PCDH11X: variants seen among roughly 807,000 people sequenced by gnomAD.
PCDH11X encodes protocadherin-11 X-linked.
PCDH11X carries 18 observed loss-of-function variants against 53.3 expected under a neutral mutation model. The observed-to-expected ratio is 0.34, with a 90% CI of 0.23 to 0.50. The LOEUF is 0.50. PCDH11X is among the 20% of genes least tolerant of loss of function. PCDH11X has a pLI of 0.98. For synonymous variants in PCDH11X, 279 were observed against 393.3 expected (o/e 0.71, Z 3.44); for missense variants, 570 against 1,032.4 (o/e 0.55, Z 6.14).
chrX:92,570,115 G>A (rs1602354440), intron 10 of PCDH11X, among the ~76,000 whole-genome samples: 1 of 108,004 alleles, frequency 9.3e-6, no homozygotes, highest in African/African-American at 3.4e-5. Flanking sequence ...CAGTTTAACT[G>A]TGGTGGTAAT....
rs754416138 is a variant in PCDH11X, at chrX:92,343,619, A to G, written c.3145-44116A>G. ...GAAAAAGAGAATCATATTAAATACAATTTTTAATTTTACCAAACTAGTTTT... is the reference window on the plus strand; with the variant it reads ...GAAAAAGAGAATCATATTAAATACAGTTTTTAATTTTACCAAACTAGTTTT... On this transcript the variant is annotated intron_variant, in intron 8 of 10. Transcript: ENST00000682573. 1.6e-4 allele frequency among the ~76,000 whole-genome samples: 18 copies of G among 111,775 alleles called. 1 individual carries two copies. In the East Asian group the frequency reaches 4.2e-3, roughly 26 times the overall value.
At chrX:92,300,574 T>C (rs1310113039) in intron 8 of PCDH11X, among the ~76,000 whole-genome samples, 1 of 111,086 alleles carries the variant, frequency 9.0e-6, no homozygotes, top group Non-Finnish European at 1.9e-5. Flanking sequence ...GCCTCCTGGA[T>C]TCAAGTGATT....
At chrX:92,191,629 G>A (rs2066195032) in intron 6 of PCDH11X, among the ~76,000 whole-genome samples, 4 of 112,168 alleles carry the variant, frequency 3.6e-5, no homozygotes, top group Admixed American at 2.8e-4. Flanking sequence ...ATCAACCTAG[G>A]AATTGCAGTT....
At chrX:92,247,443 T>G (rs1283261814) in intron 7 of PCDH11X, among the ~76,000 whole-genome samples, 1 of 112,124 alleles carries the variant, frequency 8.9e-6, no homozygotes, top group Non-Finnish European at 1.9e-5. Context: ...TTTGGTTACT[T>G]GTATTGTTTT....
In PCDH11X at chrX:92,506,181, C is replaced by T. The variant is rs376660768; in HGVS notation, c.3367+37859C>T. Among the ~76,000 whole-genome samples, 27 of 96,400 alleles carry T rather than the reference C, an allele frequency of 2.8e-4. No individual in the cohort carries two copies. In the South Asian group the frequency reaches 0.012, roughly 44 times the overall value. 83.7% of individuals were successfully genotyped at this position (96,400 alleles called of 115,157 possible). On this transcript the variant is annotated intron_variant, in intron 10 of 10. Transcript: ENST00000682573. ...AACATTATCTTTTAAAAACATTATC[C>T]TCTTTTTTTATTTGGATACATTTTC... is the stretch of plus-strand genomic sequence containing the variant.
intron 10 of PCDH11X, among the ~76,000 whole-genome samples, chrX:92,594,403 G>A (rs2148800388): frequency 9.0e-6 from 1 of 111,033 alleles, no homozygotes; most frequent in Non-Finnish European, 1.9e-5. Context: ...GTAGAAAATT[G>A]TGTTTGGCTT....
At chrX:92,166,935 A>T (rs1449382475) in intron 6 of PCDH11X, among the ~76,000 whole-genome samples, 1 of 110,869 alleles carries the variant, frequency 9.0e-6, no homozygotes, top group African/African-American at 3.3e-5. Flanking sequence ...AAAGGCAATT[A>T]GTTGGCTGAA....
At chrX:92,300,314 C>G (rs1005420104) in intron 8 of PCDH11X, among the ~76,000 whole-genome samples, 19 of 111,111 alleles carry the variant, frequency 1.7e-4, no homozygotes, top group African/African-American at 5.9e-4. Flanking sequence ...AGATTCATCG[C>G]TGGGATACTA....
chrX:91,934,824 A>G (rs961352975), intron 6 of PCDH11X, among the ~76,000 whole-genome samples: 2 of 108,016 alleles, frequency 1.9e-5, no homozygotes, highest in African/African-American at 3.4e-5. Context: ...ACCTTTTGTT[A>G]TTCTTCATTG....
At chrX:92,189,520 A>G (rs1248481531) in intron 6 of PCDH11X, among the ~76,000 whole-genome samples, 1 of 111,796 alleles carries the variant, frequency 8.9e-6, no homozygotes, top group Non-Finnish European at 1.9e-5. Context: ...TGCTGCAATG[A>G]ACATACATGT....
At chrX:92,520,737 T>C (rs72608323) in intron 10 of PCDH11X, among the ~76,000 whole-genome samples, 12,921 of 110,610 alleles carry the variant, frequency 0.12, 617 homozygotes, top group Admixed American at 0.23. Flanking sequence ...TAGAACTTCA[T>C]TAAAAAATTG....
chrX:92,291,903 A>G (rs1194497168), intron 8 of PCDH11X, among the ~76,000 whole-genome samples: 1 of 111,029 alleles, frequency 9.0e-6, no homozygotes, highest in African/African-American at 3.3e-5. Flanking sequence ...AAAGAAAAAA[A>G]AGCATGAACA....
Position 91,818,107 on chromosome X carries a change from A to G in PCDH11X, c.-45+6812A>G, listed in dbSNP as rs147538890. Among the ~76,000 whole-genome samples, 479 of 111,777 alleles carry G rather than the reference A, an allele frequency of 4.3e-3. 4 individuals carry two copies. The highest frequency in any genetic ancestry group is 0.015 in the African/African-American group (454 of 30,695). ...TTTTACATTTATCAGCTATAAAGAAATCATAATTTAAAATGAAATACTGGC... is the reference window on the plus strand; with the variant it reads ...TTTTACATTTATCAGCTATAAAGAAGTCATAATTTAAAATGAAATACTGGC... On this transcript the variant is annotated intron_variant, in intron 4 of 10. Transcript: ENST00000682573.
At chrX:92,377,307 A>G (rs2070773960) in intron 8 of PCDH11X, among the ~76,000 whole-genome samples, 1 of 111,038 alleles carries the variant, frequency 9.0e-6, no homozygotes, top group Non-Finnish European at 1.9e-5. Flanking sequence ...ATATTTTATT[A>G]TGAATGAAGG....
chrX:92,219,836 G>T, intron 7 of PCDH11X, among the ~76,000 whole-genome samples: 1 of 64,889 alleles, frequency 1.5e-5, no homozygotes, highest in Admixed American at 1.6e-4. Flanking sequence ...CATGGTACTG[G>T]TACAAAAACA....
At chrX:92,051,135 C>T (rs1157348826) in intron 6 of PCDH11X, among the ~76,000 whole-genome samples, 2 of 111,444 alleles carry the variant, frequency 1.8e-5, no homozygotes, top group Non-Finnish European at 3.8e-5. Context: ...AAATATAGTT[C>T]GAAAGCACTA....
chrX:92,123,179 A>C (rs1441496613), intron 6 of PCDH11X, among the ~76,000 whole-genome samples: 1 of 111,112 alleles, frequency 9.0e-6, no homozygotes, highest in East Asian at 2.9e-4. Context: ...TGTAATGCCA[A>C]CCAATTTTCT....
At chrX:91,824,783 G>T (rs1330502331) in intron 4 of PCDH11X, among the ~76,000 whole-genome samples, 2 of 108,889 alleles carry the variant, frequency 1.8e-5, no homozygotes, top group Non-Finnish European at 3.8e-5. Context: ...TTTCTGTTCT[G>T]TTTTTTCCCC....
At chrX:92,465,793 A>AT (rs202194491) in intron 9 of PCDH11X, among the ~76,000 whole-genome samples, 4,161 of 110,410 alleles carry the variant, frequency 0.038, 205 homozygotes, top group African/African-American at 0.13. Context: ...CAAAGAGGAG[A>AT]TTTTTTTTCT....
Sources: allele counts gnomAD v4.1 joint callset (sites outside exome capture counted in the v4.1 genomes callset), GRCh38; gene constraint gnomAD v4.1.1; transcripts MANE v1.5; gene names NCBI Gene and HGNC (gene_info 2026-07-23, HGNC 2026-07-21).